CHIC2: variants seen among roughly 807,000 people sequenced by gnomAD.
The protein encoded by CHIC2 is cysteine rich hydrophobic domain 2.
In CHIC2, 14 loss-of-function variants were observed where a neutral mutation model predicts 25.9. The ratio of observed to expected loss-of-function variants is 0.54; its 90% confidence interval spans 0.36 to 0.85. The LOEUF is 0.85. Ranked by LOEUF, CHIC2 falls within the 40% of genes least tolerant of loss-of-function variation. The pLI, the probability that CHIC2 is intolerant of heterozygous loss-of-function variation, is 0.01. For synonymous variants in CHIC2, 70 were observed against 72.0 expected, an observed-to-expected ratio of 0.97 and a Z score of 0.14; for missense variants, 146 against 202.0, an observed-to-expected ratio of 0.72 and a Z score of 1.68.
the CHIC2 span, among the ~76,000 whole-genome samples, chr4:54,081,433 A>C: frequency 6.6e-6 from 1 of 151,958 alleles, no homozygotes; most frequent in Non-Finnish European, 1.5e-5. Flanking sequence ...GATGAATGAT[A>C]CTTATTATCG....
the CHIC2 span, among the ~76,000 whole-genome samples, chr4:54,091,650 G>T: frequency 6.6e-6 from 1 of 152,140 alleles, no homozygotes; most frequent in Non-Finnish European, 1.5e-5. Flanking sequence ...ACCTATCCAT[G>T]TAACCTAACA....
chr4:54,064,558 A>C lies in CHIC2; in HGVS notation c.-258T>G. On this transcript the variant is annotated 5_prime_UTR_variant, in exon 1 of 6. Transcript: ENST00000263921. The surrounding 1 kb of genome is among the most constrained non-coding windows in gnomAD (Gnocchi z 4.2). ...CCGCCCAGAGGCCGACACCTCCACA[A>C]GCACAGACGCCGCTGCCGCCGCCGC... 1 of 1,301,546 alleles carries C rather than the reference A, an allele frequency of 7.7e-7. No homozygotes were observed. The highest frequency in any genetic ancestry group is 9.7e-7 in the Non-Finnish European group (1 of 1,026,704). 80.6% of individuals were successfully genotyped at this position (1,301,546 alleles called of 1,614,324 possible).
chr4:54,024,259 C>T (rs1357177317), intron 3 of CHIC2, among the ~76,000 whole-genome samples: 1 of 152,142 alleles, frequency 6.6e-6, no homozygotes, highest in Admixed American at 6.5e-5. Flanking sequence ...GCCGCTAGCC[C>T]ATCTCTTAAA....
intron 3 of CHIC2, among the ~76,000 whole-genome samples, chr4:54,018,645 A>C (rs1374278368): frequency 1.3e-5 from 2 of 152,110 alleles, no homozygotes; most frequent in Non-Finnish European, 2.9e-5. Flanking sequence ...CTAAAGAAAA[A>C]AAATGTTAAG....
chr4:54,030,188 A>G (rs769061404), intron 3 of CHIC2, among the ~76,000 whole-genome samples: 1 of 152,196 alleles, frequency 6.6e-6, no homozygotes, highest in African/African-American at 2.4e-5. Flanking sequence ...AAAAATTCAG[A>G]AAAGAAAAAA....
At chr4:54,047,581 T>A (rs542376387) in intron 3 of CHIC2, among the ~76,000 whole-genome samples, 33 of 138,558 alleles carry the variant, frequency 2.4e-4, no homozygotes, top group Admixed American at 1.1e-3. Context: ...TTCTCACTCA[T>A]AGGTGGGAAT....
At chr4:54,020,536 G>C (rs1715867456) in intron 3 of CHIC2, among the ~76,000 whole-genome samples, 1 of 152,156 alleles carries the variant, frequency 6.6e-6, no homozygotes, top group South Asian at 2.1e-4. Flanking sequence ...CCGGGTCAGA[G>C]GGACTCCTTC....
chr4:54,025,784 C>T (rs959111549), intron 3 of CHIC2, among the ~76,000 whole-genome samples: 20 of 151,098 alleles, frequency 1.3e-4, no homozygotes, highest in Non-Finnish European at 2.2e-4. Flanking sequence ...ATCACTCGAG[C>T]CTGGGAGGTC....
chr4:54,033,437 A>T (rs1448334421), intron 3 of CHIC2, among the ~76,000 whole-genome samples: 2 of 152,146 alleles, frequency 1.3e-5, no homozygotes, highest in South Asian at 2.1e-4. Context: ...TATATTCTGG[A>T]CAAAAGTATC....
chr4:54,022,762 C>T lies in CHIC2; in HGVS notation c.331-8643G>A, dbSNP rs1049983601. Among the ~76,000 whole-genome samples, 4 of 152,058 alleles carry T rather than the reference C, an allele frequency of 2.6e-5. No individual in the cohort carries two copies. In the East Asian group the frequency reaches 7.7e-4, roughly 29 times the overall value. On this transcript the variant is annotated intron_variant, in intron 3 of 5. Transcript: ENST00000263921. ...CATGCCCCTTACCATCCCATTAAAA[C>T]CTAATCACCCTTACCCCGCTCAATG...
In CHIC2 at chr4:54,064,156, C is replaced by T; in HGVS notation, c.119+26G>A. The stretch of plus-strand genomic sequence containing the variant: ...GGGGCCCACCCCAGCCCGCACCTCC[C>T]GCCCTCGCCCTCCTCCGGGCCTTAC... On this transcript the variant is annotated intron_variant, in intron 1 of 5. Transcript: ENST00000263921. The surrounding 1 kb of genome is among the most constrained non-coding windows in gnomAD (Gnocchi z 4.2). 1.3e-6 allele frequency: 2 copies of T among 1,580,880 alleles called. No individual in the cohort carries two copies. Among genetic ancestry groups the T allele is most frequent in the Non-Finnish European group, 1.7e-6 (2 of 1,161,596 alleles).
intron 3 of CHIC2, among the ~76,000 whole-genome samples, chr4:54,027,240 T>G (rs1032293166): frequency 6.6e-6 from 1 of 152,158 alleles, no homozygotes; most frequent in Admixed American, 6.5e-5. Context: ...ACCAATACTA[T>G]GTTCTAAATA....
At chr4:54,045,960 T>C (rs1161002989) in intron 3 of CHIC2, among the ~76,000 whole-genome samples, 3 of 152,202 alleles carry the variant, frequency 2.0e-5, no homozygotes, top group African/African-American at 7.2e-5. Flanking sequence ...AGTCTCAGGA[T>C]ACAAAATCAA....
At chr4:54,087,068 T>C in the CHIC2 span, 1 of 1,108,244 alleles carries the variant, frequency 9.0e-7, no homozygotes, top group Admixed American at 1.7e-5. Context: ...AGCAGAAAAA[T>C]CTTGAACCAC....
At chr4:54,021,644 T>C (rs190676040) in intron 3 of CHIC2, among the ~76,000 whole-genome samples, 4 of 152,290 alleles carry the variant, frequency 2.6e-5, no homozygotes, top group African/African-American at 9.6e-5. Context: ...AGGTTAATGT[T>C]CCTTTTTCTT....
chr4:54,070,790 C>T, the CHIC2 span, among the ~76,000 whole-genome samples: 18 of 152,286 alleles, frequency 1.2e-4, no homozygotes, highest in South Asian at 3.5e-3. Context: ...CACCACTTCC[C>T]AGCCTGTTAT....
At chr4:54,034,590 T>C (rs1011013335) in intron 3 of CHIC2, among the ~76,000 whole-genome samples, 9 of 152,196 alleles carry the variant, frequency 5.9e-5, no homozygotes, top group Non-Finnish European at 1.0e-4. Flanking sequence ...TTCATTTTAA[T>C]TTTTTATTTT....
intron 3 of CHIC2, among the ~76,000 whole-genome samples, chr4:54,024,000 C>T (rs893866206): frequency 6.6e-6 from 1 of 152,152 alleles, no homozygotes; most frequent in African/African-American, 2.4e-5. Flanking sequence ...CAGATCTCAT[C>T]GTTCAGGGCA....
rs769674813 is a variant in CHIC2 at position 54,013,797 on chromosome 4, C to A, written c.447+40G>T. The A allele has an allele frequency of 3.2e-6, 5 of 1,579,142 alleles. No individual in the cohort carries two copies. In the South Asian group the frequency reaches 3.3e-5, roughly 11 times the overall value. The stretch of plus-strand genomic sequence containing the variant: ...TAAGATCAGAAGCAAAATAAATGAT[C>A]ATTTAATAGAGAAACTCACAAAACA... On this transcript the variant is annotated intron_variant, in intron 5 of 5. Transcript: ENST00000263921.
Sources: gnomAD v4.1 joint callset for allele counts (sites outside exome capture counted in the v4.1 genomes callset) on GRCh38, gnomAD v4.1.1 for gene constraint, Gnocchi (gnomAD v3.1) non-coding constraint, MANE v1.5 for transcripts, NCBI Gene and HGNC (gene_info 2026-07-23, HGNC 2026-07-21) for gene names.